The following COL4A3 variants were observed in gnomAD, a reference collection of about 807,000 sequenced individuals.
COL4A3 encodes the protein collagen alpha-3(IV) chain.
Under a neutral mutation model 217.4 loss-of-function variants are expected in COL4A3, and 135 were observed. That is an observed-to-expected ratio of 0.62 (90% CI 0.54 to 0.72). The LOEUF (loss-of-function observed/expected upper bound fraction) is 0.72, where lower values mean the gene tolerates loss of function less well. Among genes scored for constraint, COL4A3 ranks in the 30% least tolerant of loss-of-function variants. The pLI, the probability that COL4A3 is intolerant of heterozygous loss-of-function variation, is 0.00. For synonymous variants in COL4A3, 690 were observed against 736.3 expected (o/e 0.94, Z 1.02); for missense variants, 1,868 against 2,119.9 (o/e 0.88, Z 2.33).
rs1246675947 is a variant in COL4A3 at position 227,261,125 on chromosome 2, C to A, written c.1150+8C>A. On this transcript the variant is annotated splice_region_variant and intron_variant, in intron 20 of 51. Coordinates refer to ENST00000396578, the MANE Select transcript of COL4A3 (RefSeq NM_000091.5). The stretch of plus-strand genomic sequence containing the variant: ...GAGTTCCTGGAAGTCCTGGTATGTC[C>A]ATGTTTCTTGGGGTACAAATAGAAA... The A allele has an allele frequency of 6.2e-7, 1 of 1,608,674 alleles. No homozygotes were observed. Among genetic ancestry groups the A allele is most frequent in the African/African-American group, 1.3e-5 (1 of 74,762 alleles).
chr2:227,193,438 G>T (rs561475855), intron 1 of COL4A3, among the ~76,000 whole-genome samples: 88 of 152,320 alleles, frequency 5.8e-4, no homozygotes, highest in African/African-American at 1.6e-3. Flanking sequence ...TCCTGGCTGG[G>T]CACGGCGGCT....
rs2070002869 is a variant in COL4A3, at chr2:227,254,264, T to A, written c.828+90T>A. On this transcript the variant is annotated intron_variant, in intron 14 of 51. Transcript: ENST00000396578. ...TGTGTGTTTTGTCTTAAGTTGTTTT[T>A]TTTTTTAAAGAAAGTAAAGGAATAA... The A allele has an allele frequency of 5.7e-6, 7 of 1,234,840 alleles. No individual in the cohort carries two copies. The South Asian group carries it at 9.1e-5, about 16-fold the overall frequency. 76.5% of individuals were successfully genotyped at this position (1,234,840 alleles called of 1,614,324 possible). A position where few individuals can be genotyped will look rare whatever the true frequency, so the allele number is the denominator to read the frequency against.
rs1179514343 is a variant in COL4A3, at chr2:227,240,097, A to ATAGT, written c.145-44_145-41dup. ...TGGTTATTGGTGTGTTTATTGTGGGATAGTTGCTGCTCTGTGTGTTTCTCA... is the reference window on the plus strand; with the variant it reads ...TGGTTATTGGTGTGTTTATTGTGGGATAGTTAGTTGCTGCTCTGTGTGTTTCTCA... On this transcript the variant is annotated intron_variant, in intron 2 of 51. Coordinates refer to ENST00000396578, the MANE Select transcript of COL4A3 (RefSeq NM_000091.5). 2.1e-6 allele frequency: 3 copies of ATAGT among 1,423,950 alleles called. No individual in the cohort carries two copies. In the African/African-American group the frequency reaches 4.2e-5, roughly 20 times the overall value. 88.2% of individuals were successfully genotyped at this position (1,423,950 alleles called of 1,614,324 possible).
intron 37 of COL4A3, among the ~76,000 whole-genome samples, chr2:227,292,715 A>G (rs1187367406): frequency 6.6e-6 from 1 of 152,140 alleles, no homozygotes; most frequent in Admixed American, 6.5e-5. Context: ...TATTTAGTCT[A>G]TTTCTTTCTT....
chr2:227,195,667 A>T (rs57166636), intron 1 of COL4A3, among the ~76,000 whole-genome samples: 2 of 139,892 alleles, frequency 1.4e-5, no homozygotes, highest in Non-Finnish European at 3.1e-5. Context: ...ATATATATAT[A>T]TGTGTGTGTG....
At chr2:227,205,221 G>A (rs986042674) in intron 1 of COL4A3, among the ~76,000 whole-genome samples, 1 of 151,882 alleles carries the variant, frequency 6.6e-6, no homozygotes, top group East Asian at 1.9e-4. Context: ...ATGTTATGAG[G>A]TTATGTGAGG....
At position 227,282,102 on chromosome 2, in the gene COL4A3, T is replaced by C. The variant is rs909607343; in HGVS notation, c.2489-263T>C. On this transcript the variant is annotated intron_variant, in intron 31 of 51. Coordinates refer to ENST00000396578, the MANE Select transcript of COL4A3 (RefSeq NM_000091.5). The surrounding 1 kb of genome is among the most constrained non-coding windows in gnomAD (Gnocchi z 4.4). ...GCCTGGCCAACATGGCAAAACCCCATCTCTATTAAAAATACAAAACTTAGC... is the reference window on the plus strand; with the variant it reads ...GCCTGGCCAACATGGCAAAACCCCACCTCTATTAAAAATACAAAACTTAGC... Among the ~76,000 whole-genome samples, 8 of 151,756 alleles carry C rather than the reference T, an allele frequency of 5.3e-5. No homozygotes were observed. The highest frequency in any genetic ancestry group is 1.0e-4 in the Non-Finnish European group (7 of 67,884).
Position 227,310,932 on chromosome 2 carries a change from C to A in COL4A3, c.4912C>A (p.Pro1638Thr), listed in dbSNP as rs759033068. 1.2e-6 allele frequency: 2 copies of A among 1,613,704 alleles called. No individual in the cohort carries two copies. The highest frequency in any genetic ancestry group is 2.2e-5 in the East Asian group (1 of 44,868). ...CAGTTTCTGGCTGGCTTCATTAAAC[C>A]CAGAAAGAATGTTCAGGTAACTATT... is the stretch of plus-strand genomic sequence containing the variant. ...SYSFWLASLN[P>T]ERMFRKPIPS... is the part of the protein sequence containing the mutation. The change falls in exon 51 of 52, where the codon CCA becomes ACA. Residue 1638 changes from proline (P) to threonine (T), a missense_variant. Around this residue, in one of 2 missense-constraint regions of COL4A3, gnomAD observed 1,503 missense variants for 1,786.1 expected, o/e 0.84. Coordinates refer to ENST00000396578, the MANE Select transcript of COL4A3 (RefSeq NM_000091.5).
chr2:227,265,069 CA>C (rs1259967870), intron 21 of COL4A3: 4 of 152,176 alleles, frequency 2.6e-5, no homozygotes, highest in African/African-American at 2.4e-5. Flanking sequence ...TTACAAGAAT[CA>C]AAGTATTTTG....
intron 15 of COL4A3, 75 bp downstream of exon 15, chr2:227,254,790 G>A (rs1480603469): frequency 3.8e-6 from 4 of 1,063,012 alleles, no homozygotes; most frequent in Non-Finnish European, 5.9e-6. Flanking sequence ...ACAGGAACAA[G>A]ATGCCCAACT....
At position 227,294,509 on chromosome 2, in the gene COL4A3, T is replaced by C; in HGVS notation, c.3357T>C (p.Gly1119=). 6.2e-7 allele frequency: 1 copy of C among 1,613,218 alleles called. No homozygotes were observed. The highest frequency in any genetic ancestry group is 8.5e-7 in the Non-Finnish European group (1 of 1,179,162). The change falls in exon 39 of 52, where the codon GGT becomes GGC. Residue 1119 remains glycine, a synonymous_variant. Coordinates refer to ENST00000396578, the MANE Select transcript of COL4A3 (RefSeq NM_000091.5). ...TTCCAGGAAAGCCAGGTCCTCATGG[T>C]GATTTGGGTTTTAAAGGAATCAAAG... ...PGLPGKPGPH[G]DLGFKGIKGL... is the part of the protein sequence containing the mutation.
At chr2:227,247,099 A>C (rs1442531937) in intron 7 of COL4A3, among the ~76,000 whole-genome samples, 3 of 152,170 alleles carry the variant, frequency 2.0e-5, no homozygotes, top group Admixed American at 2.0e-4. Flanking sequence ...TGATCCTGTA[A>C]AGGAGGAGCA....
intron 11 of COL4A3, among the ~76,000 whole-genome samples, chr2:227,252,860 G>A (rs572108820): frequency 2.6e-4 from 39 of 152,188 alleles, no homozygotes; most frequent in African/African-American, 8.2e-4. Flanking sequence ...TAGTGAAGTC[G>A]GTAGCTGGAA....
At chr2:227,257,541 C>A (rs756482952) in intron 17 of COL4A3, 62 bp from the exon 18 acceptor site, 45 of 1,392,498 alleles carry the variant, frequency 3.2e-5, no homozygotes, top group Non-Finnish European at 4.5e-5. Context: ...GTACATCTTG[C>A]TTTTTATATG....
Position 227,284,239 on chromosome 2 carries a change from C to T in COL4A3, c.2775C>T (p.Gly925=). The T allele has an allele frequency of 3.7e-6, 6 of 1,613,730 alleles. No homozygotes were observed. Among genetic ancestry groups the T allele is most frequent in the Middle Eastern group, 1.7e-4 (1 of 6,058 alleles). ...GCCCTGGAATTCCAGGAGTAAAGGG[C>T]CAGAGAGGAACCCCAGGAGCCAAGG... ...RGSPGIPGVK[G]QRGTPGAKGE... Residue 925 remains glycine (G), a synonymous_variant, in exon 34 of 52, where the codon GGC becomes GGT. Transcript: ENST00000396578.
intron 23 of COL4A3, among the ~76,000 whole-genome samples, chr2:227,269,642 T>G (rs2071119812): frequency 2.0e-5 from 3 of 152,140 alleles, no homozygotes; most frequent in Admixed American, 2.0e-4. Context: ...TATATTACTT[T>G]TAAAAGTAAT....
intron 46 of COL4A3, among the ~76,000 whole-genome samples, 193 bp from the exon 47 acceptor site, chr2:227,304,792 A>C (rs1034553168): frequency 3.3e-5 from 5 of 152,162 alleles, no homozygotes; most frequent in African/African-American, 1.2e-4. Context: ...CATTTTCGAG[A>C]GTCTTATTTT....
At chr2:227,217,767 G>A (rs1428383717) in intron 1 of COL4A3, among the ~76,000 whole-genome samples, 2 of 152,148 alleles carry the variant, frequency 1.3e-5, no homozygotes, top group Non-Finnish European at 2.9e-5. Context: ...CAAGAAAAAT[G>A]TGCTCATACA....
intron 5 of COL4A3, among the ~76,000 whole-genome samples, chr2:227,245,304 A>AT (rs1190128508): frequency 4.4e-4 from 40 of 91,450 alleles, no homozygotes; most frequent in Middle Eastern, 4.9e-3. Flanking sequence ...GATCAAAAAT[A>AT]TTTAAAAAAA....
Sources: allele counts gnomAD v4.1 joint callset (sites outside exome capture counted in the v4.1 genomes callset), GRCh38; gene constraint gnomAD v4.1.1; regional missense constraint gnomAD v4.1.1; non-coding constraint Gnocchi (gnomAD v3.1); transcripts MANE v1.5; gene names NCBI Gene and HGNC (gene_info 2026-07-23, HGNC 2026-07-21).